BCL7A: variants seen among roughly 807,000 people sequenced by gnomAD.
BCL7A encodes BAF chromatin remodeling complex subunit BCL7A.
A neutral mutation model predicts 28.4 loss-of-function variants in BCL7A; 11 were observed. The observed-to-expected ratio is 0.39, with a 90% CI of 0.24 to 0.64. BCL7A has a LOEUF of 0.64. BCL7A is among the 30% of genes least tolerant of loss of function. BCL7A has a pLI of 0.50. For synonymous variants in BCL7A, 123 were observed against 103.3 expected, an observed-to-expected ratio of 1.19 and a Z score of -1.15; for missense variants, 222 against 274.8, an observed-to-expected ratio of 0.81 and a Z score of 1.36.
At position 122,052,248 on chromosome 12, in the gene BCL7A, G is replaced by A. The variant is rs1301406468; in HGVS notation, c.440-2557G>A. ...GAGATTTCACTATATTTCCCAGGCT[G>A]TTCACAAACTCCTGAGCTCAAGCTA... is the stretch of plus-strand genomic sequence containing the variant. On this transcript the variant is annotated intron_variant, in intron 4 of 5. Transcript: ENST00000261822. 2.6e-5 allele frequency among the ~76,000 whole-genome samples: 4 copies of A among 152,072 alleles called. No individual in the cohort carries two copies. The East Asian group carries it at 7.7e-4, about 29-fold the overall frequency.
At chr12:122,057,410 G>C (rs971921488) in intron 5 of BCL7A, among the ~76,000 whole-genome samples, 1 of 152,242 alleles carries the variant, frequency 6.6e-6, no homozygotes, top group Non-Finnish European at 1.5e-5. Flanking sequence ...TCAGAAGTCA[G>C]TAGGAAAGTT....
At position 122,060,476 on chromosome 12, in the gene BCL7A, C is replaced by A. The variant is rs563406030; in HGVS notation, c.*1313C>A. ...TCCCCCACCTTCGCTGGAACAGCTT[C>A]CTCTCACTGAACGGAGACGCCCCCT... On this transcript the variant is annotated 3_prime_UTR_variant, in exon 6 of 6. Transcript: ENST00000261822. 1.7e-5 allele frequency: 4 copies of A among 230,622 alleles called. No individual in the cohort carries two copies. The East Asian group carries it at 2.5e-4, about 14-fold the overall frequency. 14.3% of individuals were successfully genotyped at this position (230,622 alleles called of 1,614,324 possible).
At chr12:122,050,713 T>C in intron 4 of BCL7A, among the ~76,000 whole-genome samples, 1 of 152,208 alleles carries the variant, frequency 6.6e-6, no homozygotes, top group East Asian at 1.9e-4. Context: ...GGAGGATCAC[T>C]TGAGCCTGGG....
intron 1 of BCL7A, among the ~76,000 whole-genome samples, chr12:122,025,655 GA>G: frequency 6.9e-6 from 1 of 144,590 alleles, no homozygotes; most frequent in African/African-American, 2.6e-5. Context: ...GAAGAAAAAA[GA>G]AAAATTAGTC....
chr12:122,055,310 C>T (rs1010764823), intron 5 of BCL7A, among the ~76,000 whole-genome samples: 3 of 152,192 alleles, frequency 2.0e-5, no homozygotes, highest in African/African-American at 7.2e-5. Flanking sequence ...AGTGGTGGGG[C>T]CTCCGACGGA....
intron 5 of BCL7A, among the ~76,000 whole-genome samples, chr12:122,058,625 C>G (rs1593039050): frequency 6.6e-6 from 1 of 152,278 alleles, no homozygotes; most frequent in East Asian, 1.9e-4. Flanking sequence ...CCCCACTGCA[C>G]TCCAGCCTGG....
chr12:122,036,661 T>A (rs1399801230), intron 3 of BCL7A, among the ~76,000 whole-genome samples: 1 of 151,698 alleles, frequency 6.6e-6, no homozygotes, highest in Non-Finnish European at 1.5e-5. Context: ...TCCTCACGGT[T>A]TTCTCCATCC....
chr12:122,032,680 C>T (rs1883769144), intron 2 of BCL7A, among the ~76,000 whole-genome samples: 1 of 152,202 alleles, frequency 6.6e-6, no homozygotes, highest in African/African-American at 2.4e-5. Context: ...GCCTTAGTTC[C>T]CTCTTTTGTG....
chr12:122,048,138 G>C (rs1593033428), intron 4 of BCL7A, among the ~76,000 whole-genome samples: 1 of 151,750 alleles, frequency 6.6e-6, no homozygotes, highest in Non-Finnish European at 1.5e-5. Context: ...CCCAACCTCA[G>C]GTGATCCGCC....
intron 1 of BCL7A, among the ~76,000 whole-genome samples, chr12:122,027,953 T>G (rs1421767565): frequency 6.6e-6 from 1 of 152,306 alleles, no homozygotes; most frequent in Admixed American, 6.5e-5. Context: ...GGTGATGGTT[T>G]TGGGGGGCAA....
intron 2 of BCL7A, among the ~76,000 whole-genome samples, chr12:122,033,559 G>A (rs907702732): frequency 2.0e-5 from 3 of 147,576 alleles, no homozygotes; most frequent in Admixed American, 6.6e-5. Flanking sequence ...TGATCCGCCC[G>A]CCTCGGCCTC....
chr12:122,045,821 G>C lies in BCL7A; in HGVS notation c.439+1768G>C, dbSNP rs533337399. ...AAGACATTCTGGGCTGGGCACAGTA[G>C]CTTATGCTTATAATCTCAGCACTTT... On this transcript the variant is annotated intron_variant, in intron 4 of 5. Coordinates refer to ENST00000261822, the MANE Select transcript of BCL7A (RefSeq NM_001024808.3). Among the ~76,000 whole-genome samples, 8 of 152,056 alleles carry C rather than the reference G, an allele frequency of 5.3e-5. 1 individual carries two copies. Among genetic ancestry groups the C allele is most frequent in the Non-Finnish European group, 1.0e-4 (7 of 67,986 alleles).
At chr12:122,055,125 A>C (rs1191405523) in intron 5 of BCL7A, 199 bp downstream of exon 5, 1 of 1,119,896 alleles carries the variant, frequency 8.9e-7, no homozygotes, top group Non-Finnish European at 1.3e-6. Flanking sequence ...AGGGATAATG[A>C]GACTTGTGGC....
intron 1 of BCL7A, among the ~76,000 whole-genome samples, chr12:122,027,503 G>A (rs1317545226): frequency 6.6e-6 from 1 of 152,186 alleles, no homozygotes; most frequent in South Asian, 2.1e-4. Context: ...TCGCACCACC[G>A]CACTCCAGCC....
At chr12:122,023,300 C>G (rs1883518575) in intron 1 of BCL7A, among the ~76,000 whole-genome samples, 1 of 152,358 alleles carries the variant, frequency 6.6e-6, no homozygotes, top group Middle Eastern at 3.4e-3. Context: ...CGCCGCAACG[C>G]TGGCTCTGAG....
intron 4 of BCL7A, among the ~76,000 whole-genome samples, chr12:122,050,374 A>G (rs1884166635): frequency 6.6e-6 from 1 of 152,048 alleles, no homozygotes; most frequent in Admixed American, 6.6e-5. Flanking sequence ...TCCAGTTGTT[A>G]ACCAATGTCC....
chr12:122,055,290 C>G (rs894970872), intron 5 of BCL7A, among the ~76,000 whole-genome samples: 2 of 152,210 alleles, frequency 1.3e-5, no homozygotes, highest in African/African-American at 4.8e-5. Context: ...GACAAGACTT[C>G]AGAAACCTAA....
chr12:122,025,895 C>T (rs1382420837), intron 1 of BCL7A, among the ~76,000 whole-genome samples: 3 of 131,090 alleles, frequency 2.3e-5, no homozygotes, highest in Admixed American at 1.8e-4. Flanking sequence ...TGCAGTAAGC[C>T]GAGATCGCGC....
Position 122,060,175 on chromosome 12 carries a change from C to T in BCL7A, c.*1012C>T, listed in dbSNP as rs1042679241. On this transcript the variant is annotated 3_prime_UTR_variant, in exon 6 of 6. Transcript: ENST00000261822. ...GGACGTCGCTTGGATTTCAAATCCA[C>T]GGTCACCTGCTGCCCTTTGCCTCCC... 2.6e-5 allele frequency: 6 copies of T among 232,906 alleles called. No individual in the cohort carries two copies. The highest frequency in any genetic ancestry group is 1.2e-4 in the East Asian group (2 of 16,506). 14.4% of individuals were successfully genotyped at this position (232,906 alleles called of 1,614,324 possible).
Sources: gnomAD v4.1 joint callset for allele counts (sites outside exome capture counted in the v4.1 genomes callset) on GRCh38, gnomAD v4.1.1 for gene constraint, MANE v1.5 for transcripts, NCBI Gene and HGNC (gene_info 2026-07-23, HGNC 2026-07-21) for gene names.